The following GREP1 variants were observed in gnomAD, a reference collection of about 807,000 sequenced individuals.
GREP1 encodes the protein glycine rich extracellular protein 1.
At chr16:2,997,374 C>A in intron 21 of GREP1, 1 of 398,612 alleles carries the variant, frequency 2.5e-6, no homozygotes. Context: ...CCTGCTCACC[C>A]CTCCCTCCCC....
At position 2,989,163 on chromosome 16, in the gene GREP1, G is replaced by A. The variant is rs866094260; in HGVS notation, c.101-360G>A. 3.3e-6 allele frequency: 1 copy of A among 303,840 alleles called. No individual in the cohort carries two copies. 18.8% of individuals were successfully genotyped at this position (303,840 alleles called of 1,614,324 possible). On this transcript the variant is annotated intron_variant, in intron 2 of 34. Transcript: ENST00000573315. The surrounding 1 kb of genome is among the most constrained non-coding windows in gnomAD (Gnocchi z 4.2). ...CCAGTACTGAGAATGGATGGGAGAG[G>A]AGAGGAAGAGGGTGGAGTGGGCTCT...
At position 2,989,526 on chromosome 16, in the gene GREP1, A is replaced by G. The variant is rs763481517; in HGVS notation, c.104A>G (p.Tyr35Cys). ...CAACATCTCACTTCTCCCACAGTCT[A>G]TGGCCCCCACAGTGGCCTGGGAGCA... is the stretch of plus-strand genomic sequence containing the variant. The change falls in exon 3 of 35, where the codon TAT (tyrosine) becomes TGT (cysteine). Residue 35 changes from tyrosine to cysteine, a missense_variant. Tyr to Cys is a radical substitution (Grantham distance 194). Transcript: ENST00000573315. The surrounding 1 kb of genome is among the most constrained non-coding windows in gnomAD (Gnocchi z 4.2). 40 of 399,136 alleles carry G rather than the reference A, an allele frequency of 1.0e-4. No individual in the cohort carries two copies. The highest frequency in any genetic ancestry group is 1.6e-4 in the Non-Finnish European group (37 of 226,336). 24.7% of individuals were successfully genotyped at this position (399,136 alleles called of 1,614,324 possible).
exon 35 of GREP1, chr16:3,001,677 A>G: frequency 5.0e-6 from 2 of 399,086 alleles, no homozygotes; most frequent in Non-Finnish European, 4.4e-6. Flanking sequence ...CCTCCATGCT[A>G]GAACCACAAA....
intron 29 of GREP1, 168 bp downstream of exon 26, chr16:3,000,286 C>T: frequency 5.0e-6 from 2 of 399,384 alleles, no homozygotes; most frequent in Non-Finnish European, 8.8e-6. Context: ...AATCTCTGTC[C>T]TGCAGGTTTA....
chr16:3,000,318 G>A (rs1265903441), exon 30 of GREP1: 3 of 399,166 alleles, frequency 7.5e-6, no homozygotes, highest in East Asian at 7.1e-5. Context: ...TGGTGTCCTG[G>A]GAGCCAGGGT....
exon 6 of GREP1, chr16:2,990,487 G>C (rs1480083051): frequency 5.0e-6 from 2 of 399,422 alleles, no homozygotes; most frequent in Non-Finnish European, 8.8e-6. Context: ...CCAAAACCTA[G>C]GTGAGGCTCG....
At chr16:2,998,501 C>A in exon 25 of GREP1, 1 of 399,234 alleles carries the variant, frequency 2.5e-6, no homozygotes, top group Non-Finnish European at 4.4e-6. Flanking sequence ...CAGGACACGG[C>A]CATGAAAATG....
chr16:2,991,114 C>CACCT lies in GREP1; in HGVS notation c.322+13_322+14insACCT. The CACCT allele has an allele frequency of 2.5e-6, 1 of 399,162 alleles. No individual in the cohort carries two copies. The highest frequency in any genetic ancestry group is 4.4e-6 in the Non-Finnish European group (1 of 226,282). 24.7% of individuals were successfully genotyped at this position (399,162 alleles called of 1,614,324 possible). On this transcript the variant is annotated intron_variant, in intron 8 of 34. Transcript: ENST00000573315. The surrounding 1 kb of genome is among the most constrained non-coding windows in gnomAD (Gnocchi z 4.9). ...GGAGCCCAGTCAGGTGAGGAAACGT[C>CACCT]GGGTGTGGCAGGACCTGGGCTTCCA...
At chr16:2,998,795 G>A (rs370483168) in intron 25 of GREP1, 53 bp from the exon 24 acceptor site, 17 of 399,006 alleles carry the variant, frequency 4.3e-5, no homozygotes, top group Admixed American at 8.8e-5. Flanking sequence ...GGGTGGCGTC[G>A]GTGAGGACTG....
intron 18 of GREP1, 114 bp from the exon 18 acceptor site, chr16:2,996,382 G>A (rs1288981331): frequency 2.5e-6 from 1 of 397,168 alleles, no homozygotes; most frequent in Non-Finnish European, 4.4e-6. Flanking sequence ...GCCTGGGAGG[G>A]GGAGCCAGGC....
chr16:2,992,425 G>T lies in GREP1; in HGVS notation c.323-380G>T. On this transcript the variant is annotated intron_variant, in intron 8 of 34. Coordinates refer to ENST00000573315, the Ensembl canonical transcript of GREP1. This position sits in a 1 kb window ranked among gnomAD's most constrained non-coding sequence, Gnocchi z 4.9. ...CAGGATACAACAATGGAAACGGACC[G>T]GGAACCCAGCCAGGTCGGGGCCGAA... 1 of 165,956 alleles carries T rather than the reference G, an allele frequency of 6.0e-6. No individual in the cohort carries two copies. Among genetic ancestry groups the T allele is most frequent in the East Asian group, 1.7e-4 (1 of 5,928 alleles). 10.3% of individuals were successfully genotyped at this position (165,956 alleles called of 1,614,324 possible). A position where few individuals can be genotyped will look rare whatever the true frequency, so the allele number is the denominator to read the frequency against.
intron 33 of GREP1, 41 bp downstream of exon 27, chr16:3,000,868 G>A (rs2072457928): frequency 2.5e-6 from 1 of 398,806 alleles, no homozygotes; most frequent in Admixed American, 4.4e-5. Flanking sequence ...GCCATTAGAG[G>A]TGGCTTCAGG....
rs1006964021 is a variant in GREP1, at chr16:2,992,905, C to T, written c.353-26C>T. On this transcript the variant is annotated intron_variant, in intron 9 of 34. Transcript: ENST00000573315. The surrounding 1 kb of genome is among the most constrained non-coding windows in gnomAD (Gnocchi z 4.9). ...TGGGCACAGGCCCAGAGGAAAGGAT[C>T]CCTCACCCTCTCATCTTCCCCCCAG... 1 of 399,070 alleles carries T rather than the reference C, an allele frequency of 2.5e-6. No homozygotes were observed. The allele number at this position is 399,070 out of a possible 1,614,324, so 24.7% of individuals were successfully genotyped here.
In GREP1 at chr16:2,989,664, C is replaced by T. The variant is rs2072388768; in HGVS notation, c.130+112C>T. On this transcript the variant is annotated intron_variant, in intron 3 of 34. Coordinates refer to ENST00000573315, the Ensembl canonical transcript of GREP1. This position sits in a 1 kb window ranked among gnomAD's most constrained non-coding sequence, Gnocchi z 4.2. ...GGGGGCAGGTAAAGGGGGAAGCAGT[C>T]GTCTCAGAAATACATGGGGACAGAG... The T allele has an allele frequency of 2.5e-5, 10 of 398,982 alleles. No individual in the cohort carries two copies. The highest frequency in any genetic ancestry group is 1.8e-4 in the East Asian group (5 of 28,088). The allele number at this position is 398,982 out of a possible 1,614,324, so 24.7% of individuals were successfully genotyped here.
exon 21 of GREP1, chr16:2,996,969 G>C (rs895663455): frequency 6.0e-5 from 24 of 399,158 alleles, no homozygotes; most frequent in Non-Finnish European, 9.3e-5. Context: ...AACGGCTATG[G>C]ACCAGGAAGG....
At chr16:2,988,923 G>A (rs1440034510) in intron 2 of GREP1, 3 of 360,516 alleles carry the variant, frequency 8.3e-6, no homozygotes, top group African/African-American at 2.1e-5. Context: ...GGGGGCCGGA[G>A]GGGGAGAGGA....
At chr16:3,000,928 G>C in intron 33 of GREP1, 101 bp downstream of exon 27, 1 of 398,104 alleles carries the variant, frequency 2.5e-6, no homozygotes. Context: ...GAGATAGAAG[G>C]TACAGCCCTC....
chr16:2,997,110 C>G, intron 21 of GREP1, 25 bp downstream of exon 20: 1 of 399,228 alleles, frequency 2.5e-6, no homozygotes, highest in Non-Finnish European at 4.4e-6. Flanking sequence ...GCCTGTCCCT[C>G]TGCCTCCCCC....
At position 2,989,250 on chromosome 16, in the gene GREP1, C is replaced by T. The variant is rs901988180; in HGVS notation, c.101-273C>T. ...TCCTCCAGGCCCAGGGGCCCTCTAG[C>T]CTCCACTGCCCTAGCCCCAGACTGC... is the stretch of plus-strand genomic sequence containing the variant. On this transcript the variant is annotated intron_variant, in intron 2 of 34. Transcript: ENST00000573315. The surrounding 1 kb of genome is among the most constrained non-coding windows in gnomAD (Gnocchi z 4.2). The T allele has an allele frequency of 2.6e-6, 1 of 380,330 alleles. No individual in the cohort carries two copies. Among genetic ancestry groups the T allele is most frequent in the African/African-American group, 2.1e-5 (1 of 48,234 alleles). 23.6% of individuals were successfully genotyped at this position (380,330 alleles called of 1,614,324 possible). A position where few individuals can be genotyped will look rare whatever the true frequency, so the allele number is the denominator to read the frequency against.
Sources: gnomAD v4.1 joint callset for allele counts on GRCh38, gnomAD v4.1.1 for gene constraint, Gnocchi (gnomAD v3.1) non-coding constraint, MANE v1.5 for transcripts, NCBI Gene and HGNC (gene_info 2026-07-23, HGNC 2026-07-21) for gene names.